Variants in MAP2K6 observed in about 807,000 individuals in gnomAD.
The protein encoded by MAP2K6 is mitogen-activated protein kinase kinase 6.
MAP2K6 carries 16 observed loss-of-function variants against 53.7 expected under a neutral mutation model. The observed-to-expected ratio is 0.30, with a 90% CI of 0.20 to 0.45. The LOEUF is 0.45. Ranked by LOEUF, MAP2K6 falls within the 20% of genes least tolerant of loss-of-function variation. The probability of loss-of-function intolerance (pLI) is 1.00; values close to 1 mark genes in which losing one functional copy is unlikely to be tolerated. For synonymous variants in MAP2K6, 132 were observed against 143.1 expected, an observed-to-expected ratio of 0.92 and a Z score of 0.55; for missense variants, 204 against 411.9, an observed-to-expected ratio of 0.50 and a Z score of 4.37.
At chr17:69,439,112 T>C (rs1010827748) in intron 1 of MAP2K6, among the ~76,000 whole-genome samples, 1 of 152,222 alleles carries the variant, frequency 6.6e-6, no homozygotes, top group African/African-American at 2.4e-5. Context: ...ACATATTTGC[T>C]GGTTATCATT....
At chr17:69,533,193 C>T (rs1379946621) in intron 10 of MAP2K6, among the ~76,000 whole-genome samples, 1 of 152,102 alleles carries the variant, frequency 6.6e-6, no homozygotes, top group Non-Finnish European at 1.5e-5. Flanking sequence ...CCTGTCTCAC[C>T]CTCACAAAGT....
chr17:69,498,798 A>G (rs369909256), intron 1 of MAP2K6, among the ~76,000 whole-genome samples: 1 of 152,116 alleles, frequency 6.6e-6, no homozygotes, highest in South Asian at 2.1e-4. Context: ...GCAAGCAGGC[A>G]CTAGTTCTAG....
At chr17:69,421,203 A>G (rs540433709) in intron 1 of MAP2K6, among the ~76,000 whole-genome samples, 14 of 152,312 alleles carry the variant, frequency 9.2e-5, no homozygotes, top group Admixed American at 6.5e-4. Context: ...ATTAAATTAC[A>G]ATGCAATTTT....
intron 2 of MAP2K6, among the ~76,000 whole-genome samples, chr17:69,512,327 T>C (rs893527697): frequency 1.1e-5 from 1 of 88,466 alleles, no homozygotes; most frequent in African/African-American, 4.2e-5. Flanking sequence ...TCTTTCTAAG[T>C]GTTTTTTTTT....
intron 1 of MAP2K6, among the ~76,000 whole-genome samples, chr17:69,458,992 G>A (rs1224584906): frequency 6.6e-6 from 1 of 152,112 alleles, no homozygotes; most frequent in African/African-American, 2.4e-5. Flanking sequence ...TTTGTATTTG[G>A]TTCTAACCTC....
intron 1 of MAP2K6, among the ~76,000 whole-genome samples, chr17:69,432,534 T>C (rs1208741858): frequency 6.6e-6 from 1 of 152,032 alleles, no homozygotes; most frequent in Admixed American, 6.6e-5. Context: ...ACCATCATCC[T>C]CAGCAAACTA....
At chr17:69,455,153 A>T (rs1292786145) in intron 1 of MAP2K6, among the ~76,000 whole-genome samples, 1 of 151,862 alleles carries the variant, frequency 6.6e-6, no homozygotes, top group African/African-American at 2.4e-5. Context: ...TATATTGGAG[A>T]TATGAGAGTT....
chr17:69,485,717 G>T (rs978560364), intron 1 of MAP2K6, among the ~76,000 whole-genome samples: 1 of 152,088 alleles, frequency 6.6e-6, no homozygotes, highest in African/African-American at 2.4e-5. Flanking sequence ...CTTCACTCCT[G>T]TCTCTGAGGC....
intron 4 of MAP2K6, 72 bp downstream of exon 4, chr17:69,517,685 C>T: frequency 9.8e-7 from 1 of 1,017,142 alleles, no homozygotes; most frequent in Admixed American, 3.1e-5. Flanking sequence ...TGTCAACCAG[C>T]CCTTTTAATA....
At chr17:69,535,617 G>A (rs1333665585) in intron 10 of MAP2K6, among the ~76,000 whole-genome samples, 1 of 151,984 alleles carries the variant, frequency 6.6e-6, no homozygotes, top group East Asian at 1.9e-4. Flanking sequence ...TAAATATTAG[G>A]GGTTTATTGC....
rs1252115131 is a variant in MAP2K6 at position 69,542,736 on chromosome 17, CCTT to C, written c.*989_*991del. The stretch of plus-strand genomic sequence containing the variant: ...TGTTAAATCACAGAAAAAAATGGTG[CCTT>C]CTTCTGCGTTTGTCCCTCCTGCCAT... On this transcript the variant is annotated 3_prime_UTR_variant, in exon 12 of 12. Coordinates refer to ENST00000590474, the MANE Select transcript of MAP2K6 (RefSeq NM_002758.4). The C allele has an allele frequency of 1.3e-5, 2 of 152,166 alleles. No individual in the cohort carries two copies. Among genetic ancestry groups the C allele is most frequent in the African/African-American group, 4.8e-5 (2 of 41,432 alleles). The allele number at this position is 152,166 out of a possible 1,614,324, so 9.4% of individuals were successfully genotyped here.
At position 69,455,718 on chromosome 17, in the gene MAP2K6, T is replaced by C. The variant is rs529659437; in HGVS notation, c.16+40718T>C. On this transcript the variant is annotated intron_variant, in intron 1 of 11. Coordinates refer to ENST00000590474, the MANE Select transcript of MAP2K6 (RefSeq NM_002758.4). ...TCTGCATATTCTTGTTTGTTCTTTTTCCCTCCGCCCTTAACCCTGTAAAAA... is the reference window on the plus strand; with the variant it reads ...TCTGCATATTCTTGTTTGTTCTTTTCCCCTCCGCCCTTAACCCTGTAAAAA... Among the ~76,000 whole-genome samples, 12 of 152,144 alleles carry C rather than the reference T, an allele frequency of 7.9e-5. No individual in the cohort carries two copies. In the South Asian group the frequency reaches 1.5e-3, roughly 18 times the overall value.
intron 1 of MAP2K6, among the ~76,000 whole-genome samples, chr17:69,451,007 T>G (rs1019045174): frequency 6.6e-6 from 1 of 152,106 alleles, no homozygotes; most frequent in Admixed American, 6.5e-5. Flanking sequence ...TTGAGTAGGT[T>G]TGCATGAGTC....
intron 1 of MAP2K6, among the ~76,000 whole-genome samples, chr17:69,490,343 A>G (rs542436607): frequency 1.0e-3 from 153 of 152,290 alleles, no homozygotes; most frequent in African/African-American, 3.4e-3. Flanking sequence ...GCCTTCTTAT[A>G]TTGTCAAATG....
In MAP2K6 at chr17:69,501,342, A is replaced by G. The variant is rs141249351; in HGVS notation, c.17-4438A>G. 3.5e-4 allele frequency among the ~76,000 whole-genome samples: 53 copies of G among 152,204 alleles called. 1 individual carries two copies. The East Asian group carries it at 4.4e-3, about 13-fold the overall frequency. On this transcript the variant is annotated intron_variant, in intron 1 of 11. Transcript: ENST00000590474. ...CTGTTTGGGTTGGCAGTGGAACATA[A>G]TCTTCTGTTTTATGTAATGAGGAAC...
At chr17:69,456,319 G>T (rs1395482070) in intron 1 of MAP2K6, among the ~76,000 whole-genome samples, 4 of 152,208 alleles carry the variant, frequency 2.6e-5, no homozygotes, top group Non-Finnish European at 4.4e-5. Context: ...TGTGTCTTGA[G>T]ATGTCTCTTC....
At chr17:69,523,694 G>A in intron 8 of MAP2K6, 53 bp downstream of exon 8, 1 of 1,598,012 alleles carries the variant, frequency 6.3e-7, no homozygotes. Flanking sequence ...GACAAATCAT[G>A]CTGGGAAACA....
chr17:69,414,908 T>C lies in MAP2K6; in HGVS notation c.-77T>C, dbSNP rs1043453564. Reference sequence around the variant, plus strand: ...ATTGCACGCCTGCAGCTTGCATCTTTGTTGCAAAACTAGCTACAGAAGAGA... The same window carrying C: ...ATTGCACGCCTGCAGCTTGCATCTTCGTTGCAAAACTAGCTACAGAAGAGA... On this transcript the variant is annotated 5_prime_UTR_variant, in exon 1 of 12. Coordinates refer to ENST00000590474, the MANE Select transcript of MAP2K6 (RefSeq NM_002758.4). 1.5e-6 allele frequency: 2 copies of C among 1,378,082 alleles called. No homozygotes were observed. Among genetic ancestry groups the C allele is most frequent in the African/African-American group, 2.9e-5 (2 of 69,394 alleles). 85.4% of individuals were successfully genotyped at this position (1,378,082 alleles called of 1,614,324 possible).
intron 7 of MAP2K6, among the ~76,000 whole-genome samples, chr17:69,522,032 T>C (rs781011409): frequency 2.0e-4 from 31 of 152,090 alleles, no homozygotes; most frequent in Non-Finnish European, 4.0e-4. Flanking sequence ...TCCCAGCTAC[T>C]TGGGAGGCTG....
Sources: gnomAD v4.1 joint callset for allele counts (sites outside exome capture counted in the v4.1 genomes callset) on GRCh38, gnomAD v4.1.1 for gene constraint, MANE v1.5 for transcripts, NCBI Gene and HGNC (gene_info 2026-07-23, HGNC 2026-07-21) for gene names.